Variants in SDK1 observed in about 807,000 individuals in gnomAD.
SDK1 encodes protein sidekick-1.
A neutral mutation model predicts 245.5 loss-of-function variants in SDK1; 157 were observed. That is an observed-to-expected ratio of 0.64 (90% CI 0.56 to 0.73). The LOEUF is 0.73. SDK1 is among the 30% of genes least tolerant of loss of function. SDK1 has a pLI of 0.00. For synonymous variants in SDK1, 1,647 were observed against 1,278.5 expected (o/e 1.29, Z -6.15); for missense variants, 3,583 against 3,002.3 (o/e 1.19, Z -4.52).
chr7:3,941,316 C>A lies in SDK1; in HGVS notation c.848-9607C>A, dbSNP rs1049770176. Among the ~76,000 whole-genome samples, 4 of 152,084 alleles carry A rather than the reference C, an allele frequency of 2.6e-5. No individual in the cohort carries two copies. In the East Asian group the frequency reaches 7.7e-4, roughly 29 times the overall value. ...TGTGGCTCCCTGACCGTGCTCCCAC[C>A]CGCTCTAGACAGTGTGCAAGCCTGG... On this transcript the variant is annotated intron_variant, in intron 5 of 44. Transcript: ENST00000404826.
rs1484753447 is a variant in SDK1, at chr7:4,220,170, G to C, written c.5601G>C (p.Arg1867=). 2 of 1,613,924 alleles carry C rather than the reference G, an allele frequency of 1.2e-6. No homozygotes were observed. Among genetic ancestry groups the C allele is most frequent in the African/African-American group, 2.7e-5 (2 of 74,892 alleles). ...RGNWQRWLKV[R]DLTKGVTYFF... ...ACTGGCAGCGCTGGCTGAAGGTGCGGGACCTCACCAAGGGAGTGACCTATT... is the reference window on the plus strand; with the variant it reads ...ACTGGCAGCGCTGGCTGAAGGTGCGCGACCTCACCAAGGGAGTGACCTATT... Residue 1867 remains arginine, a synonymous_variant, in exon 39 of 45, where the codon CGG becomes CGC. Coordinates refer to ENST00000404826, the MANE Select transcript of SDK1 (RefSeq NM_152744.4).
chr7:3,438,214 T>C (rs1780086185), intron 1 of SDK1, among the ~76,000 whole-genome samples: 1 of 152,240 alleles, frequency 6.6e-6, no homozygotes, highest in Non-Finnish European at 1.5e-5. Context: ...ACTGAACGTT[T>C]GCTGCTAAGA....
chr7:3,787,008 A>G (rs1446561799), intron 4 of SDK1, among the ~76,000 whole-genome samples: 1 of 152,176 alleles, frequency 6.6e-6, no homozygotes. Flanking sequence ...CAGAATTGAT[A>G]GACATCTTTC....
At chr7:3,781,757 A>G (rs1780751579) in intron 4 of SDK1, among the ~76,000 whole-genome samples, 1 of 152,188 alleles carries the variant, frequency 6.6e-6, no homozygotes, top group Non-Finnish European at 1.5e-5. Context: ...AGAGATGAAA[A>G]ATACAGTGGC....
chr7:4,072,391 C>T (rs959286943), intron 20 of SDK1, among the ~76,000 whole-genome samples: 164 of 152,306 alleles, frequency 1.1e-3, no homozygotes, highest in African/African-American at 3.8e-3. Context: ...ACAGAAGCTG[C>T]AGTGGACGCC....
intron 1 of SDK1, among the ~76,000 whole-genome samples, chr7:3,611,067 A>C (rs1483525005): frequency 6.6e-6 from 1 of 152,216 alleles, no homozygotes; most frequent in Non-Finnish European, 1.5e-5. Flanking sequence ...TTCATCCTGA[A>C]ATGTCTGACA....
chr7:4,119,091 C>T (rs1783904669), intron 25 of SDK1, among the ~76,000 whole-genome samples: 1 of 148,016 alleles, frequency 6.8e-6, no homozygotes, highest in Non-Finnish European at 1.5e-5. Flanking sequence ...AATAATCTCA[C>T]AATAAGGCTT....
intron 44 of SDK1, among the ~76,000 whole-genome samples, chr7:4,255,914 C>CTTT (rs34810935): frequency 0.015 from 1,605 of 104,060 alleles, 47 homozygotes; most frequent in South Asian, 0.059. Flanking sequence ...TTTCCAAATA[C>CTTT]TTTTTTTTTT....
chr7:3,563,834 A>G (rs1779823680), intron 1 of SDK1, among the ~76,000 whole-genome samples: 1 of 152,232 alleles, frequency 6.6e-6, no homozygotes, highest in Non-Finnish European at 1.5e-5. Context: ...AATGAAAGCA[A>G]TAACAAATTA....
rs79184735 is a variant in SDK1, at chr7:3,910,687, G to C, written c.848-40236G>C. Among the ~76,000 whole-genome samples, 5 of 152,262 alleles carry C rather than the reference G, an allele frequency of 3.3e-5. No individual in the cohort carries two copies. The East Asian group carries it at 9.7e-4, about 29-fold the overall frequency. On this transcript the variant is annotated intron_variant, in intron 5 of 44. Transcript: ENST00000404826. ...TAGAATGGGACGTCCTCCTTTCCCA[G>C]TTGCATGATACATAGTGTTCAGTGT...
At chr7:3,370,566 A>C (rs900503771) in intron 1 of SDK1, among the ~76,000 whole-genome samples, 4 of 152,220 alleles carry the variant, frequency 2.6e-5, no homozygotes, top group African/African-American at 7.2e-5. Context: ...GTGGTGGACT[A>C]CTTGGGCCCG....
chr7:3,492,303 G>C (rs1396350923), intron 1 of SDK1, among the ~76,000 whole-genome samples: 1 of 152,258 alleles, frequency 6.6e-6, no homozygotes, highest in South Asian at 2.1e-4. Context: ...GACCATCCTG[G>C]CTAACACGGT....
At chr7:3,511,918 C>T (rs929686205) in intron 1 of SDK1, among the ~76,000 whole-genome samples, 10 of 149,378 alleles carry the variant, frequency 6.7e-5, no homozygotes, top group Non-Finnish European at 1.0e-4. Flanking sequence ...GATCACCATC[C>T]CCCACCGGAG....
At position 3,389,458 on chromosome 7, in the gene SDK1, C is replaced by G. The variant is rs73296344; in HGVS notation, c.298+87574C>G. Among the ~76,000 whole-genome samples, 1,344 of 152,216 alleles carry G rather than the reference C, an allele frequency of 8.8e-3. 26 individuals are homozygous for G. The highest frequency in any genetic ancestry group is 0.031 in the African/African-American group (1,269 of 41,526). On this transcript the variant is annotated intron_variant, in intron 1 of 44. Transcript: ENST00000404826. ...GAAGTTGGAGGAATGGGCCATGAGC[C>G]AAGGACAAGGGAGTGTAGCTCTACC...
rs115265450 is a variant in SDK1, at chr7:3,951,642, G to A, written c.960-88G>A. The A allele has an allele frequency of 7.9e-5, 97 of 1,231,718 alleles. 1 individual carries two copies. The African/African-American group carries it at 1.1e-3, about 15-fold the overall frequency. 76.3% of individuals were successfully genotyped at this position (1,231,718 alleles called of 1,614,324 possible). A position where few individuals can be genotyped will look rare whatever the true frequency, so the allele number is the denominator to read the frequency against. ...CATGCACCCTGGTAGCATTAGCTTC[G>A]TCAAGCCTGTGCCGAGTGCCTGAGA... On this transcript the variant is annotated intron_variant, in intron 6 of 44. Coordinates refer to ENST00000404826, the MANE Select transcript of SDK1 (RefSeq NM_152744.4).
intron 4 of SDK1, among the ~76,000 whole-genome samples, chr7:3,666,395 G>T (rs1005122663): frequency 6.6e-6 from 1 of 152,184 alleles, no homozygotes; most frequent in Non-Finnish European, 1.5e-5. Context: ...CACCATGCTG[G>T]ATTTTACTTT....
chr7:3,806,661 C>G (rs1779257036), intron 4 of SDK1, among the ~76,000 whole-genome samples: 1 of 151,900 alleles, frequency 6.6e-6, no homozygotes, highest in African/African-American at 2.4e-5. Flanking sequence ...GTGACGAGGA[C>G]TAAGAACAAA....
intron 2 of SDK1, among the ~76,000 whole-genome samples, chr7:3,619,466 A>G (rs1294411768): frequency 6.6e-6 from 1 of 152,250 alleles, no homozygotes; most frequent in Non-Finnish European, 1.5e-5. Flanking sequence ...AAGTAAGCCC[A>G]TTAGTGAAAT....
rs1426662272 is a variant in SDK1 at position 4,104,580 on chromosome 7, T to C, written c.3325-6083T>C. 2.6e-5 allele frequency among the ~76,000 whole-genome samples: 4 copies of C among 152,248 alleles called. No individual in the cohort carries two copies. In the East Asian group the frequency reaches 7.7e-4, roughly 29 times the overall value. On this transcript the variant is annotated intron_variant, in intron 22 of 44. Coordinates refer to ENST00000404826, the MANE Select transcript of SDK1 (RefSeq NM_152744.4). ...TGAGCATTCTTTCTTTCATTCACTCTACATACTTTGACATATATTCCCCTC... is the reference window on the plus strand; with the variant it reads ...TGAGCATTCTTTCTTTCATTCACTCCACATACTTTGACATATATTCCCCTC...
Sources: allele counts gnomAD v4.1 joint callset (sites outside exome capture counted in the v4.1 genomes callset), GRCh38; gene constraint gnomAD v4.1.1; transcripts MANE v1.5; gene names NCBI Gene and HGNC (gene_info 2026-07-23, HGNC 2026-07-21).